ARHGEF3: variants seen among roughly 807,000 people sequenced by gnomAD.
ARHGEF3 encodes 59.8 kDA protein.
A neutral mutation model predicts 63.2 loss-of-function variants in ARHGEF3; 28 were observed. That is an observed-to-expected ratio of 0.44 (90% CI 0.33 to 0.61). ARHGEF3 has a LOEUF of 0.61. Ranked by LOEUF, ARHGEF3 falls within the 20% of genes least tolerant of loss-of-function variation. The pLI is 0.03. For missense variants in ARHGEF3, 533 were observed against 659.3 expected (o/e 0.81, Z 2.10); for synonymous variants, 266 against 254.2 (o/e 1.05, Z -0.44).
chr3:57,057,138 G>A (rs1432003679), intron 1 of ARHGEF3, among the ~76,000 whole-genome samples: 1 of 152,100 alleles, frequency 6.6e-6, no homozygotes, highest in African/African-American at 2.4e-5. Flanking sequence ...TTGAGATGGA[G>A]TTTCACTTTG....
intron 1 of ARHGEF3, among the ~76,000 whole-genome samples, chr3:56,782,166 T>A (rs2036594225): frequency 6.6e-6 from 1 of 152,180 alleles, no homozygotes; most frequent in African/African-American, 2.4e-5. Context: ...ATTGAAATAT[T>A]TTTTCTGTTC....
chr3:56,753,197 C>A (rs1172045479), intron 4 of ARHGEF3, among the ~76,000 whole-genome samples: 1 of 152,190 alleles, frequency 6.6e-6, no homozygotes, highest in Non-Finnish European at 1.5e-5. Flanking sequence ...GGCAAAGAGT[C>A]CTACATATGA....
At chr3:56,745,079 A>C (rs2034293609) in intron 7 of ARHGEF3, 126 bp downstream of exon 7, 16 of 1,237,032 alleles carry the variant, frequency 1.3e-5, no homozygotes, top group Non-Finnish European at 1.8e-5. Context: ...TGGCAGTGCC[A>C]GGCCTGGAAC....
chr3:57,050,064 C>T (rs1356333036), intron 1 of ARHGEF3, among the ~76,000 whole-genome samples: 2 of 152,168 alleles, frequency 1.3e-5, no homozygotes, highest in African/African-American at 4.8e-5. Flanking sequence ...AATCCAGAGA[C>T]CTGCAAGGTG....
intron 2 of ARHGEF3, among the ~76,000 whole-genome samples, chr3:56,757,649 G>A (rs2035156170): frequency 6.6e-6 from 1 of 151,968 alleles, no homozygotes; most frequent in African/African-American, 2.4e-5. Flanking sequence ...AGATATAAAG[G>A]GAACATCACA....
chr3:56,968,296 A>ATT (rs1375293429), intron 2 of ARHGEF3, among the ~76,000 whole-genome samples: 2 of 43,248 alleles, frequency 4.6e-5, no homozygotes, highest in Non-Finnish European at 9.5e-5. Context: ...TAATATATAT[A>ATT]ATATATAATA....
intron 4 of ARHGEF3, among the ~76,000 whole-genome samples, chr3:56,847,059 G>T (rs2039515333): frequency 6.6e-6 from 1 of 152,204 alleles, no homozygotes; most frequent in Non-Finnish European, 1.5e-5. Context: ...GCTCAGAGAG[G>T]TTTAAGTGAC....
intron 8 of ARHGEF3, among the ~76,000 whole-genome samples, chr3:56,734,636 TG>T (rs2033473125): frequency 6.6e-6 from 1 of 152,160 alleles, no homozygotes; most frequent in South Asian, 2.1e-4. Context: ...CTTGGGATAG[TG>T]GGAGCACATT....
chr3:56,794,488 C>CAAAAAAAAAAAAAA (rs10557985), intron 1 of ARHGEF3, among the ~76,000 whole-genome samples: 15 of 116,910 alleles, frequency 1.3e-4, no homozygotes, highest in East Asian at 7.2e-4. Context: ...GACTCTATCT[C>CAAAAAAAAAAAAAA]AAAAAAAAAA....
In ARHGEF3 at chr3:56,749,867, CAGTCATTG is replaced by C. The variant is rs140280474; in HGVS notation, c.612+1181_612+1188del. Among the ~76,000 whole-genome samples, 815 of 150,136 alleles carry C rather than the reference CAGTCATTG, an allele frequency of 5.4e-3. 7 individuals are homozygous for C. The highest frequency in any genetic ancestry group is 0.02 in the African/African-American group (781 of 39,528). On this transcript the variant is annotated intron_variant, in intron 6 of 9. Transcript: ENST00000296315. ...CTCTCATCAAGTATCTTGATCAAGG[CAGTCATTG>C]AGAAACGTAAGTTAAAAGATCAATG...
chr3:56,922,997 C>T (rs1279508643), intron 3 of ARHGEF3, among the ~76,000 whole-genome samples: 5 of 120,558 alleles, frequency 4.1e-5, no homozygotes, highest in Non-Finnish European at 7.2e-5. Flanking sequence ...ACCAGCTTGG[C>T]CAAAATGGCA....
At position 56,845,902 on chromosome 3, in the gene ARHGEF3, C is replaced by A. The variant is rs190067220; in HGVS notation, c.192+36390G>T. Reference sequence around the variant, plus strand: ...TTGTGCTTGCATGTGGCAAAGACTGCATCTCATTCATTTTAATTTCCCCAG... The same window carrying A: ...TTGTGCTTGCATGTGGCAAAGACTGAATCTCATTCATTTTAATTTCCCCAG... On this transcript the variant is annotated intron_variant, in intron 4 of 12. Coordinates refer to the ARHGEF3 transcript ENST00000338458. Among the ~76,000 whole-genome samples, 7 of 152,326 alleles carry A rather than the reference C, an allele frequency of 4.6e-5. No individual in the cohort carries two copies. In the East Asian group the frequency reaches 1.4e-3, roughly 29 times the overall value.
chr3:56,847,876 C>T (rs1333751604), intron 4 of ARHGEF3, among the ~76,000 whole-genome samples: 2 of 152,154 alleles, frequency 1.3e-5, no homozygotes, highest in African/African-American at 4.8e-5. Flanking sequence ...CCATGCCTGG[C>T]CTACCCTTGA....
rs115061243 is a variant in ARHGEF3, at chr3:56,902,446, A to G, written c.130-20092T>C. Among the ~76,000 whole-genome samples the G allele has an allele frequency of 6.2e-3, 944 of 152,358 alleles. 15 individuals carry two copies. Among genetic ancestry groups the G allele is most frequent in the African/African-American group, 0.022 (902 of 41,584 alleles). ...AGCTTTGCAGCTCACAGTGGGAGGC[A>G]GGCCCTGCACAGAGCAGAGAGAACA... On this transcript the variant is annotated intron_variant, in intron 3 of 12. Transcript: ENST00000338458.
chr3:57,072,247 C>T (rs1262959759), intron 1 of ARHGEF3, among the ~76,000 whole-genome samples: 1 of 152,262 alleles, frequency 6.6e-6, no homozygotes, highest in African/African-American at 2.4e-5. Context: ...ATATACCTAG[C>T]AATTCCACTG....
At chr3:57,073,549 G>T in intron 1 of ARHGEF3, 1 of 1,349,988 alleles carries the variant, frequency 7.4e-7, no homozygotes, top group Non-Finnish European at 9.8e-7. Flanking sequence ...ACCCCGGGAT[G>T]ATTGGTGGTG....
intron 1 of ARHGEF3, among the ~76,000 whole-genome samples, chr3:57,078,145 TTTACAG>T (rs1212853204): frequency 2.6e-5 from 4 of 152,150 alleles, no homozygotes; most frequent in African/African-American, 7.2e-5. Context: ...TCATCCCCAC[TTTACAG>T]ATGAGAAAAC....
intron 2 of ARHGEF3, among the ~76,000 whole-genome samples, chr3:57,026,332 T>C (rs912655663): frequency 6.6e-6 from 1 of 152,046 alleles, no homozygotes; most frequent in Admixed American, 6.5e-5. Flanking sequence ...GCCCAAGAGG[T>C]TGAGGCTGCA....
chr3:56,856,599 C>T (rs1204018074), intron 4 of ARHGEF3, among the ~76,000 whole-genome samples: 2 of 147,250 alleles, frequency 1.4e-5, no homozygotes, highest in African/African-American at 4.9e-5. Context: ...GTCTCTGGGG[C>T]CCTCCCTCCT....
Sources: gnomAD v4.1 joint callset for allele counts (sites outside exome capture counted in the v4.1 genomes callset) on GRCh38, gnomAD v4.1.1 for gene constraint, MANE v1.5 for transcripts, NCBI Gene and HGNC (gene_info 2026-07-23, HGNC 2026-07-21) for gene names.